JSRP1: variants seen among roughly 807,000 people sequenced by gnomAD.
The protein encoded by JSRP1 is 2310032K21Rik.
Under a neutral mutation model 21.4 loss-of-function variants are expected in JSRP1, and 29 were observed. The observed-to-expected ratio is 1.36, with a 90% CI of 1.01 to 1.85. JSRP1 has a LOEUF of 1.85. JSRP1 is among the 40% of genes most tolerant of loss of function. JSRP1 has a pLI of 0.00. For synonymous variants in JSRP1, 221 were observed against 206.1 expected (o/e 1.07, Z -0.62); for missense variants, 531 against 461.5 (o/e 1.15, Z -1.38).
intron 4 of JSRP1, 133 bp from the exon 5 acceptor site, chr19:2,253,926 G>T: frequency 9.2e-7 from 1 of 1,081,206 alleles, no homozygotes; most frequent in Non-Finnish European, 1.2e-6. Context: ...CCCGGGCGCA[G>T]GTGAACCCAG....
In JSRP1 at chr19:2,252,761, C is replaced by T. The variant is rs940945011; in HGVS notation, c.564G>A (p.Pro188=). 1.2e-6 allele frequency: 2 copies of T among 1,612,400 alleles called. No individual in the cohort carries two copies. The highest frequency in any genetic ancestry group is 1.7e-6 in the Non-Finnish European group (2 of 1,179,818). The change falls in exon 7 of 7, where the codon CCG becomes CCA. Residue 188 remains proline, a synonymous_variant. Coordinates refer to ENST00000300961, the MANE Select transcript of JSRP1 (RefSeq NM_144616.4). ...KFEAQAPPSA[P]PAPRAEAEVR... ...CCTCTGCCTCGGCCCGGGGCGCAGG[C>T]GGCGCTGATGGAGGCGCCTGGGCCT... is the stretch of plus-strand genomic sequence containing the variant.
At chr19:2,253,594 C>T (rs763838314) in intron 5 of JSRP1, 26 bp downstream of exon 5, 4 of 1,427,382 alleles carry the variant, frequency 2.8e-6, no homozygotes, top group Non-Finnish European at 3.6e-6. Context: ...CCAGCCTCGC[C>T]CCACCTCTGG....
chr19:2,253,729 C>A lies in JSRP1; in HGVS notation c.327G>T (p.Pro109=). Residue 109 remains proline (P), a synonymous_variant, in exon 5 of 7, where the codon CCG becomes CCT. Coordinates refer to ENST00000300961, the MANE Select transcript of JSRP1 (RefSeq NM_144616.4). The part of the protein sequence containing the change: ...QTAPPLQPPP[P]PPALSEELPW... ...GCAGCTCCTCGCTCAGGGCCGGGGG[C>A]GGCGGCGGCGGCTGCAGGGGCGGCG... The A allele has an allele frequency of 1.4e-6, 2 of 1,473,704 alleles. No homozygotes were observed. Among genetic ancestry groups the A allele is most frequent in the Non-Finnish European group, 1.8e-6 (2 of 1,119,170 alleles). 91.3% of individuals were successfully genotyped at this position (1,473,704 alleles called of 1,614,324 possible).
In JSRP1 at chr19:2,255,192, C is replaced by T. The variant is rs777084971; in HGVS notation, c.109+14G>A. On this transcript the variant is annotated intron_variant, in intron 2 of 6. Transcript: ENST00000300961. ...TCAGGGAAGGGCTTCCTCCCGCCAG[C>T]GCCACAAGGGTACCTGAAGCCCTGT... 25 of 1,564,834 alleles carry T rather than the reference C, an allele frequency of 1.6e-5. No individual in the cohort carries two copies. In the Admixed American group the frequency reaches 2.9e-4, roughly 18 times the overall value.
intron 2 of JSRP1, 142 bp from the exon 3 acceptor site, chr19:2,254,624 C>T: frequency 1.1e-6 from 1 of 881,512 alleles, no homozygotes; most frequent in East Asian, 2.7e-5. Flanking sequence ...CAGTGGTTCA[C>T]ACCTGGAATC....
intron 2 of JSRP1, 65 bp from the exon 3 acceptor site, chr19:2,254,547 G>T: frequency 6.3e-7 from 1 of 1,580,970 alleles, no homozygotes; most frequent in Non-Finnish European, 8.7e-7. Flanking sequence ...CTCTCCCCTG[G>T]CCCTGCTGGG....
At position 2,252,356 on chromosome 19, in the gene JSRP1, C is replaced by G; in HGVS notation, c.969G>C (p.Lys323Asn). Residue 323 changes from lysine (K) to asparagine (N), a missense_variant, in exon 7 of 7, where the codon AAG becomes AAC. Lys to Asn is a moderately conservative substitution (Grantham distance 94). Coordinates refer to ENST00000300961, the MANE Select transcript of JSRP1 (RefSeq NM_144616.4). The stretch of plus-strand genomic sequence containing the variant: ...AGTCCCGCCCCTTGCCTGCGCGGAG[C>G]TTCTGGCGACTCCCAGGCCGCTGCT... The part of the protein sequence containing the change: ...DEEQRPGSRQ[K>N]LRAGKGRD 1 of 1,546,300 alleles carries G rather than the reference C, an allele frequency of 6.5e-7. No individual in the cohort carries two copies. Among genetic ancestry groups the G allele is most frequent in the Non-Finnish European group, 8.7e-7 (1 of 1,150,106 alleles).
At position 2,252,416 on chromosome 19, in the gene JSRP1, C is replaced by T; in HGVS notation, c.909G>A (p.Lys303=). The T allele has an allele frequency of 6.2e-7, 1 of 1,608,552 alleles. No homozygotes were observed. Among genetic ancestry groups the T allele is most frequent in the Non-Finnish European group, 8.5e-7 (1 of 1,179,114 alleles). The stretch of plus-strand genomic sequence containing the variant: ...GACGCCTCGGGGACACCCAGGCCTG[C>T]TTCTTCCTGGGCTCGGCGTCCCTGG... The part of the protein sequence containing the change: ...RDSRDAEPRK[K]QAWVSPRRPD... Residue 303 remains lysine, a synonymous_variant, in exon 7 of 7, where the codon AAG becomes AAA. Coordinates refer to ENST00000300961, the MANE Select transcript of JSRP1 (RefSeq NM_144616.4).
chr19:2,253,598 C>T, intron 5 of JSRP1, 22 bp downstream of exon 5: 2 of 1,439,306 alleles, frequency 1.4e-6, no homozygotes, highest in Non-Finnish European at 1.8e-6. Flanking sequence ...CCTCGCCCCA[C>T]CTCTGGGGAG....
rs747006364 is a variant in JSRP1, at chr19:2,252,784, C to T, written c.541G>A (p.Ala181Thr). The T allele has an allele frequency of 1.2e-6, 2 of 1,611,612 alleles. No individual in the cohort carries two copies. The highest frequency in any genetic ancestry group is 1.7e-6 in the Non-Finnish European group (2 of 1,179,492). Reference sequence around the variant, plus strand: ...GGCGGCGCTGATGGAGGCGCCTGGGCCTCGAACTTAGGCTGCAAGACAGAG... The same window carrying T: ...GGCGGCGCTGATGGAGGCGCCTGGGTCTCGAACTTAGGCTGCAAGACAGAG... Reference protein sequence around the residue: ...EPSSPLPKFEAQAPPSAPPAP... With the variant: ...EPSSPLPKFETQAPPSAPPAP... The change falls in exon 7 of 7, where the codon GCC (alanine) becomes ACC (threonine). Residue 181 changes from alanine to threonine, a missense_variant. Physicochemically the swap from Ala to Thr is moderately conservative, Grantham distance 58. Coordinates refer to ENST00000300961, the MANE Select transcript of JSRP1 (RefSeq NM_144616.4).
chr19:2,254,735 A>G (rs1016208573), intron 2 of JSRP1, among the ~76,000 whole-genome samples: 3 of 151,280 alleles, frequency 2.0e-5, no homozygotes, highest in Non-Finnish European at 3.0e-5. Flanking sequence ...AAAAAAAAAA[A>G]AAAAAAATTA....
At position 2,252,477 on chromosome 19, in the gene JSRP1, G is replaced by C; in HGVS notation, c.848C>G (p.Ser283Ter). The change falls in exon 7 of 7, where the codon TCA becomes TGA. Residue 283 changes from serine (S) to a stop codon, truncating the protein, a stop_gained. Transcript: ENST00000300961. LOFTEE classifies it low-confidence loss of function (END_TRUNC). ...PREALPQRWE[S>*]REGGHRPWAR... Reference sequence around the variant, plus strand: ...CCACGGCCGGTGGCCCCCTTCGCGTGACTCCCAGCGCTGGGGTAGGGCTTC... The same window carrying C: ...CCACGGCCGGTGGCCCCCTTCGCGTCACTCCCAGCGCTGGGGTAGGGCTTC... The C allele has an allele frequency of 6.2e-7, 1 of 1,612,046 alleles. No individual in the cohort carries two copies. The highest frequency in any genetic ancestry group is 8.5e-7 in the Non-Finnish European group (1 of 1,179,798).
In JSRP1 at chr19:2,255,205, C is replaced by A. The variant is rs780016858; in HGVS notation, c.109+1G>T. Reference sequence around the variant, plus strand: ...TCCTCCCGCCAGCGCCACAAGGGTACCTGAAGCCCTGTCCTCCTGGGTCTC... The same window carrying A: ...TCCTCCCGCCAGCGCCACAAGGGTAACTGAAGCCCTGTCCTCCTGGGTCTC... On this transcript the variant is annotated splice_donor_variant, in intron 2 of 6. Coordinates refer to ENST00000300961, the MANE Select transcript of JSRP1 (RefSeq NM_144616.4). LOFTEE classifies it high-confidence loss of function. 2 of 1,588,456 alleles carry A rather than the reference C, an allele frequency of 1.3e-6. No individual in the cohort carries two copies. Among genetic ancestry groups the A allele is most frequent in the Non-Finnish European group, 1.7e-6 (2 of 1,162,924 alleles).
At chr19:2,253,894 T>C in intron 4 of JSRP1, 101 bp from the exon 5 acceptor site, 2 of 1,263,718 alleles carry the variant, frequency 1.6e-6, no homozygotes, top group Non-Finnish European at 2.0e-6. Context: ...TGAACCCGGC[T>C]CTCTCTGCCT....
chr19:2,252,837 C>A (rs1599141488), intron 6 of JSRP1, 41 bp from the exon 7 acceptor site: 1 of 1,586,630 alleles, frequency 6.3e-7, no homozygotes, highest in Admixed American at 1.7e-5. Context: ...CGCCCACCTT[C>A]CCCCCGGCCC....
At chr19:2,255,501 C>T (rs1390338321) in intron 1 of JSRP1, among the ~76,000 whole-genome samples, 157 bp from the exon 2 acceptor site, 1 of 152,220 alleles carries the variant, frequency 6.6e-6, no homozygotes, top group Admixed American at 6.5e-5. Flanking sequence ...GCCCGGCGCC[C>T]ACTCCAGGCA....
At chr19:2,253,946 C>G (rs147086781) in intron 4 of JSRP1, among the ~76,000 whole-genome samples, 153 bp from the exon 5 acceptor site, 59 of 152,364 alleles carry the variant, frequency 3.9e-4, no homozygotes, top group Non-Finnish European at 8.1e-4. Flanking sequence ...GCCCCGGGTG[C>G]CCCGCAGCTG....
At chr19:2,256,348 C>G (rs2025147216) in intron 1 of JSRP1, 35 bp downstream of exon 1, 1 of 152,556 alleles carries the variant, frequency 6.6e-6, no homozygotes, top group South Asian at 2.1e-4. Flanking sequence ...CGGGATTCCC[C>G]CAGCCTCACT....
chr19:2,252,925 G>A lies in JSRP1; in HGVS notation c.515C>T (p.Pro172Leu), dbSNP rs1432848607. ...WVPPSSAPREPSSPLPKFEAQ... is the reference protein window; with the variant it reads ...WVPPSSAPRELSSPLPKFEAQ... The stretch of plus-strand genomic sequence containing the variant: ...GGAAGCTCTTACCAGGGGCGACGAT[G>A]GCTCCCTCGGGGCTGAGCTTGGCGG... Residue 172 changes from proline to leucine, a missense_variant, in exon 6 of 7, where the codon CCA (proline) becomes CTA (leucine). Coordinates refer to ENST00000300961, the MANE Select transcript of JSRP1 (RefSeq NM_144616.4). The A allele has an allele frequency of 6.2e-7, 1 of 1,609,568 alleles. No homozygotes were observed. The highest frequency in any genetic ancestry group is 8.5e-7 in the Non-Finnish European group (1 of 1,178,298).
Sources: allele counts gnomAD v4.1 joint callset (sites outside exome capture counted in the v4.1 genomes callset), GRCh38; gene constraint gnomAD v4.1.1; transcripts MANE v1.5; gene names NCBI Gene and HGNC (gene_info 2026-07-23, HGNC 2026-07-21).